Variants in PACRG observed in about 807,000 individuals in gnomAD.
PACRG encodes the protein parkin coregulated gene protein.
In PACRG, 29 loss-of-function variants were observed where a neutral mutation model predicts 29.7. The observed-to-expected ratio is 0.98, with a 90% CI of 0.73 to 1.33. The LOEUF (loss-of-function observed/expected upper bound fraction) is 1.33, where lower values mean the gene tolerates loss of function less well. Among genes scored for constraint, PACRG ranks in the 40% most tolerant of loss-of-function variants. PACRG has a pLI of 0.00. For synonymous variants in PACRG, 116 were observed against 118.7 expected, an observed-to-expected ratio of 0.98 and a Z score of 0.15; for missense variants, 279 against 316.2, an observed-to-expected ratio of 0.88 and a Z score of 0.89.
chr6:163,034,051 A>G (rs1807925516), intron 2 of PACRG, among the ~76,000 whole-genome samples: 1 of 152,198 alleles, frequency 6.6e-6, no homozygotes, highest in African/African-American at 2.4e-5. Flanking sequence ...GATTTTTACC[A>G]TTCATTCAAC....
At chr6:162,828,721 T>G (rs182738559) in intron 2 of PACRG, among the ~76,000 whole-genome samples, 1 of 152,208 alleles carries the variant, frequency 6.6e-6, no homozygotes, top group African/African-American at 2.4e-5. Context: ...GTGTAGGCTA[T>G]TTGGTAATAT....
At chr6:163,245,308 C>T in intron 4 of PACRG, 1 of 209,916 alleles carries the variant, frequency 4.8e-6, no homozygotes, top group Admixed American at 5.4e-5. Context: ...ATAAACTATG[C>T]CATTTTCAGA....
intron 2 of PACRG, among the ~76,000 whole-genome samples, chr6:162,864,664 T>C (rs1047470179): frequency 6.6e-6 from 1 of 152,222 alleles, no homozygotes; most frequent in Non-Finnish European, 1.5e-5. Flanking sequence ...TTTTAGAAAG[T>C]TTAATTTTCA....
chr6:162,951,735 A>G (rs1247195639), intron 2 of PACRG, among the ~76,000 whole-genome samples: 1 of 152,184 alleles, frequency 6.6e-6, no homozygotes, highest in African/African-American at 2.4e-5. Flanking sequence ...TAAAGATTTC[A>G]TCAGTTACAG....
chr6:162,911,634 A>G (rs1796309823), intron 2 of PACRG, among the ~76,000 whole-genome samples: 1 of 152,244 alleles, frequency 6.6e-6, no homozygotes, highest in African/African-American at 2.4e-5. Context: ...AACCAGAAGT[A>G]GAGGGTCTGT....
intron 1 of PACRG, among the ~76,000 whole-genome samples, chr6:162,737,019 G>A (rs922690404): frequency 4.6e-5 from 7 of 152,054 alleles, no homozygotes; most frequent in Non-Finnish European, 7.4e-5. Context: ...AGTTTTTTCT[G>A]TATTTTACAG....
chr6:163,057,985 C>T (rs903267422), intron 2 of PACRG, among the ~76,000 whole-genome samples: 1 of 152,120 alleles, frequency 6.6e-6, no homozygotes, highest in Non-Finnish European at 1.5e-5. Context: ...ACCAATTTCT[C>T]CAATTATGCC....
At position 163,233,782 on chromosome 6, in the gene PACRG, G is replaced by T. The variant is rs149963542; in HGVS notation, c.614-81045G>T. Among the ~76,000 whole-genome samples, 630 of 152,324 alleles carry T rather than the reference G, an allele frequency of 4.1e-3. 2 individuals carry two copies. Among genetic ancestry groups the T allele is most frequent in the African/African-American group, 0.014 (595 of 41,566 alleles). On this transcript the variant is annotated intron_variant, in intron 4 of 4. Transcript: ENST00000366888. Reference sequence around the variant, plus strand: ...GAGTGAGGAAGTAGGATGAGTAAAAGATAACTTCTGGATTTCTGTTCTGAA... The same window carrying T: ...GAGTGAGGAAGTAGGATGAGTAAAATATAACTTCTGGATTTCTGTTCTGAA...
chr6:162,748,229 G>A (rs554970178), intron 1 of PACRG, among the ~76,000 whole-genome samples: 4 of 152,228 alleles, frequency 2.6e-5, no homozygotes, highest in East Asian at 3.9e-4. Context: ...TGTGGCTCAC[G>A]CCTGTAATTC....
intron 1 of PACRG, among the ~76,000 whole-genome samples, chr6:162,769,799 A>C (rs1783077219): frequency 6.6e-6 from 1 of 151,832 alleles, no homozygotes; most frequent in African/African-American, 2.4e-5. Context: ...TTATCAAAAG[A>C]CTTTTTTAAA....
rs144089599 is a variant in PACRG, at chr6:163,022,464, G to A, written c.292-39686G>A. On this transcript the variant is annotated intron_variant, in intron 2 of 4. Coordinates refer to ENST00000366888, the MANE Select transcript of PACRG (RefSeq NM_001080379.2). ...AGGGTGAGAGTCCAAGGATTCAACC[G>A]GAAGAGAGCAGCAGCTAGGGACCCC... 6.4e-3 allele frequency among the ~76,000 whole-genome samples: 981 copies of A among 152,280 alleles called. 7 individuals are homozygous for A. The highest frequency in any genetic ancestry group is 0.015 in the South Asian group (73 of 4,822).
chr6:162,980,823 T>C (rs558860192), intron 2 of PACRG, among the ~76,000 whole-genome samples: 2 of 152,304 alleles, frequency 1.3e-5, no homozygotes, highest in Admixed American at 6.5e-5. Flanking sequence ...CAGGAAACTA[T>C]GGTAATTACT....
chr6:162,795,658 T>C (rs928074934), intron 1 of PACRG, among the ~76,000 whole-genome samples: 1 of 152,202 alleles, frequency 6.6e-6, no homozygotes, highest in African/African-American at 2.4e-5. Context: ...GCGATAGTAT[T>C]ATGTTTATAA....
chr6:163,278,036 G>T (rs1485984005), intron 4 of PACRG, among the ~76,000 whole-genome samples: 1 of 152,068 alleles, frequency 6.6e-6, no homozygotes, highest in Non-Finnish European at 1.5e-5. Flanking sequence ...ATTCTTGCAG[G>T]AGTGAGGTGG....
chr6:163,060,883 AT>A (rs1811043932), intron 2 of PACRG: 1 of 152,046 alleles, frequency 6.6e-6, no homozygotes. Context: ...TGGTATTACA[AT>A]TTTCGGTTAC....
chr6:163,157,045 C>T (rs991718481), intron 4 of PACRG, among the ~76,000 whole-genome samples: 1 of 152,168 alleles, frequency 6.6e-6, no homozygotes, highest in African/African-American at 2.4e-5. Flanking sequence ...AATTAGGTTA[C>T]GTTCATCTTG....
intron 1 of PACRG, among the ~76,000 whole-genome samples, chr6:162,802,883 T>C (rs1785998308): frequency 6.6e-6 from 1 of 152,220 alleles, no homozygotes; most frequent in South Asian, 2.1e-4. Flanking sequence ...TCTATTCTCC[T>C]ATAGAATCCT....
At chr6:163,062,640 C>CT (rs1314028405) in intron 3 of PACRG, among the ~76,000 whole-genome samples, 6 of 151,892 alleles carry the variant, frequency 4.0e-5, no homozygotes, top group Admixed American at 1.3e-4. Context: ...ACTTCCAAGT[C>CT]TTTTTTTTGT....
At chr6:162,797,122 C>T (rs1785448983) in intron 1 of PACRG, among the ~76,000 whole-genome samples, 1 of 152,098 alleles carries the variant, frequency 6.6e-6, no homozygotes, top group Non-Finnish European at 1.5e-5. Context: ...ACTAAAAATA[C>T]AAAAATTAAC....
Sources: gnomAD v4.1 joint callset for allele counts (sites outside exome capture counted in the v4.1 genomes callset) on GRCh38, gnomAD v4.1.1 for gene constraint, MANE v1.5 for transcripts, NCBI Gene and HGNC (gene_info 2026-07-23, HGNC 2026-07-21) for gene names.